FANCC: variants seen among roughly 807,000 people sequenced by gnomAD.
FANCC encodes the protein Fanconi anemia group C protein.
FANCC carries 55 observed loss-of-function variants against 71.3 expected under a neutral mutation model. The ratio of observed to expected loss-of-function variants is 0.77; its 90% CI spans 0.62 to 0.97. FANCC has a LOEUF of 0.97. FANCC is among the 50% of genes least tolerant of loss of function. The pLI is 0.00. For missense variants in FANCC, 678 were observed against 670.9 expected (o/e 1.01, Z -0.12); for synonymous variants, 275 against 244.9 (o/e 1.12, Z -1.15).
intron 4 of FANCC, among the ~76,000 whole-genome samples, chr9:95,200,630 T>A (rs1251135919): frequency 6.6e-6 from 1 of 152,196 alleles, no homozygotes; most frequent in Non-Finnish European, 1.5e-5. Flanking sequence ...AACATGGAGA[T>A]AATTATATCT....
chr9:95,301,514 C>G (rs1367327764), intron 1 of FANCC, among the ~76,000 whole-genome samples: 1 of 151,866 alleles, frequency 6.6e-6, no homozygotes, highest in African/African-American at 2.4e-5. Context: ...TCACTGCAGC[C>G]TCAACCTCCT....
intron 1 of FANCC, among the ~76,000 whole-genome samples, chr9:95,311,566 T>C (rs991251379): frequency 3.3e-5 from 5 of 152,188 alleles, no homozygotes; most frequent in Admixed American, 1.3e-4. Context: ...TTTATTTTTT[T>C]CCCTGGAGAT....
intron 1 of FANCC, among the ~76,000 whole-genome samples, chr9:95,316,294 T>C (rs1835735392): frequency 6.6e-6 from 1 of 152,230 alleles, no homozygotes; most frequent in African/African-American, 2.4e-5. Context: ...GTGACTCTGG[T>C]ACAGCACATA....
chr9:95,283,833 G>C (rs1833512974), intron 1 of FANCC, among the ~76,000 whole-genome samples: 1 of 152,204 alleles, frequency 6.6e-6, no homozygotes, highest in Admixed American at 6.5e-5. Context: ...CAGCATAACA[G>C]AGTGATTAAG....
At chr9:95,163,932 C>T (rs1830907986) in intron 6 of FANCC, among the ~76,000 whole-genome samples, 1 of 152,202 alleles carries the variant, frequency 6.6e-6, no homozygotes, top group Non-Finnish European at 1.5e-5. Flanking sequence ...TTATTTATGT[C>T]TTATTTAATT....
chr9:95,146,707 A>G (rs1829612523), intron 7 of FANCC, among the ~76,000 whole-genome samples: 1 of 151,970 alleles, frequency 6.6e-6, no homozygotes, highest in East Asian at 1.9e-4. Flanking sequence ...GTGGATTCAC[A>G]GTGTTTTCAA....
In FANCC at chr9:95,291,967, AATAT is replaced by A. The variant is rs34066396; in HGVS notation, c.-79+25555_-79+25558del. 3.7e-3 allele frequency among the ~76,000 whole-genome samples: 186 copies of A among 50,402 alleles called. 2 individuals are homozygous for A. The highest frequency in any genetic ancestry group is 0.016 in the Middle Eastern group (1 of 64). 33.1% of individuals were successfully genotyped at this position (50,402 alleles called of 152,430 possible). A position where few individuals can be genotyped will look rare whatever the true frequency, so the allele number is the denominator to read the frequency against. On this transcript the variant is annotated intron_variant, in intron 1 of 14. Transcript: ENST00000289081. ...TGTCTCAAAAAAAAAAAAAAAAAAA[AATAT>A]ATATATATATATATATATATATTAA...
At chr9:95,178,590 C>A (rs552179978) in intron 4 of FANCC, among the ~76,000 whole-genome samples, 1 of 152,228 alleles carries the variant, frequency 6.6e-6, no homozygotes, top group Non-Finnish European at 1.5e-5. Flanking sequence ...GGCTGACTGG[C>A]GCCCTGTGCC....
At chr9:95,237,993 A>T (rs1352424814) in intron 4 of FANCC, among the ~76,000 whole-genome samples, 1 of 152,200 alleles carries the variant, frequency 6.6e-6, no homozygotes, top group Non-Finnish European at 1.5e-5. Context: ...ACCATTATCT[A>T]TGCAGCATGT....
At chr9:95,233,476 C>A (rs1305031517) in intron 4 of FANCC, among the ~76,000 whole-genome samples, 2 of 152,120 alleles carry the variant, frequency 1.3e-5, no homozygotes, top group Non-Finnish European at 2.9e-5. Context: ...CCAGGCCAGG[C>A]TAGTAAGGGT....
chr9:95,155,816 T>C (rs1375901070), intron 6 of FANCC, among the ~76,000 whole-genome samples: 2 of 151,876 alleles, frequency 1.3e-5, no homozygotes, highest in African/African-American at 4.8e-5. Context: ...CTCCCCAGGC[T>C]CAAGCGATGC....
chr9:95,128,085 G>A (rs1356151753), intron 8 of FANCC, among the ~76,000 whole-genome samples: 1 of 152,178 alleles, frequency 6.6e-6, no homozygotes, highest in Non-Finnish European at 1.5e-5. Context: ...GAGAGGAGAG[G>A]CAGGTTATTT....
chr9:95,131,272 C>T (rs1826871759), intron 8 of FANCC, among the ~76,000 whole-genome samples: 1 of 152,246 alleles, frequency 6.6e-6, no homozygotes, highest in Non-Finnish European at 1.5e-5. Flanking sequence ...GCCTGAAGTC[C>T]TTCTAGCCTT....
At chr9:95,191,216 C>A (rs889544619) in intron 4 of FANCC, among the ~76,000 whole-genome samples, 6 of 151,628 alleles carry the variant, frequency 4.0e-5, no homozygotes, top group African/African-American at 1.5e-4. Context: ...GGCAGGTCAA[C>A]AGAAGACTAA....
At chr9:95,174,014 T>A (rs571568494) in intron 4 of FANCC, among the ~76,000 whole-genome samples, 1 of 152,206 alleles carries the variant, frequency 6.6e-6, no homozygotes, top group African/African-American at 2.4e-5. Flanking sequence ...AATATAAAAA[T>A]AATCCATAAA....
rs193261247 is a variant in FANCC at position 95,101,457 on chromosome 9, C to T, written c.*250G>A. 2.3e-4 allele frequency: 128 copies of T among 555,428 alleles called. 1 individual carries two copies. The East Asian group carries it at 3.6e-3, about 16-fold the overall frequency. The allele number at this position is 555,428 out of a possible 1,614,324, so 34.4% of individuals were successfully genotyped here. ...TTATCAAGCTGACGGTCTGGCCGGGCGGGCACCAGGAGTACCGAAGGCTCA... is the reference window on the plus strand; with the variant it reads ...TTATCAAGCTGACGGTCTGGCCGGGTGGGCACCAGGAGTACCGAAGGCTCA... On this transcript the variant is annotated 3_prime_UTR_variant, in exon 15 of 15. Transcript: ENST00000289081.
intron 14 of FANCC, among the ~76,000 whole-genome samples, chr9:95,106,281 A>G (rs1274981286): frequency 6.6e-6 from 1 of 152,104 alleles, no homozygotes; most frequent in Non-Finnish European, 1.5e-5. Context: ...ATGTCTGTTC[A>G]AGTCCTTTGC....
intron 10 of FANCC, among the ~76,000 whole-genome samples, chr9:95,124,203 T>C (rs1825604267): frequency 6.6e-6 from 1 of 151,744 alleles, no homozygotes; most frequent in South Asian, 2.1e-4. Context: ...AGCCAAGCAT[T>C]GTAGTTCTCC....
At chr9:95,303,569 T>C (rs1333884750) in intron 1 of FANCC, among the ~76,000 whole-genome samples, 1 of 152,212 alleles carries the variant, frequency 6.6e-6, no homozygotes, top group African/African-American at 2.4e-5. Context: ...AAGTCCACAA[T>C]CAAGGCCTAT....
Sources: allele counts gnomAD v4.1 joint callset (sites outside exome capture counted in the v4.1 genomes callset), GRCh38; gene constraint gnomAD v4.1.1; transcripts MANE v1.5; gene names NCBI Gene and HGNC (gene_info 2026-07-23, HGNC 2026-07-21).